Variants in SIAE observed in about 807,000 individuals in gnomAD.
The protein encoded by SIAE is sialate O-acetylesterase.
A neutral mutation model predicts 52.6 loss-of-function variants in SIAE; 39 were observed. The ratio of observed to expected loss-of-function variants is 0.74; its 90% CI spans 0.57 to 0.97. SIAE has a LOEUF of 0.97. Ranked by LOEUF, SIAE falls within the 50% of genes least tolerant of loss-of-function variation. The pLI is 0.00. For missense variants in SIAE, 592 were observed against 662.1 expected (o/e 0.89, Z 1.16); for synonymous variants, 233 against 241.4 (o/e 0.97, Z 0.32).
intron 1 of SIAE, among the ~76,000 whole-genome samples, chr11:124,669,853 G>A (rs1156693778): frequency 2.0e-5 from 3 of 152,040 alleles, no homozygotes; most frequent in African/African-American, 4.8e-5. Flanking sequence ...GCTCTCTCCC[G>A]CAAAATCACT....
At chr11:124,641,010 A>G (rs1423511383) in intron 7 of SIAE, among the ~76,000 whole-genome samples, 1 of 152,160 alleles carries the variant, frequency 6.6e-6, no homozygotes, top group East Asian at 1.9e-4. Context: ...CTATATAAGA[A>G]AGGCTATTTT....
At chr11:124,644,492 C>T (rs1457237278) in intron 7 of SIAE, among the ~76,000 whole-genome samples, 1 of 152,078 alleles carries the variant, frequency 6.6e-6, no homozygotes, top group Non-Finnish European at 1.5e-5. Context: ...ATTGACTGCA[C>T]TATTATATAC....
chr11:124,675,232 C>T (rs754447226), upstream of SIAE: 1 of 1,598,420 alleles, frequency 6.3e-7, no homozygotes, highest in Non-Finnish European at 8.5e-7. Flanking sequence ...TTTAATGAAT[C>T]TTTAGGTTCC....
chr11:124,648,265 T>C, intron 5 of SIAE, 90 bp from the exon 6 acceptor site: 1 of 913,360 alleles, frequency 1.1e-6, no homozygotes, highest in Non-Finnish European at 1.8e-6. Flanking sequence ...CTTTCACTTG[T>C]GGTAAACTTC....
rs761799265 is a variant in SIAE, at chr11:124,637,091, G to A, written c.1432C>T (p.Leu478Phe). The A allele has an allele frequency of 6.2e-7, 1 of 1,614,046 alleles. No individual in the cohort carries two copies. Among genetic ancestry groups the A allele is most frequent in the African/African-American group, 1.3e-5 (1 of 74,910 alleles). ...GGCCACGTGGTCCAAGCATAGCGGAGAGCAACCACAGTGCCATGACAAGAA... is the reference window on the plus strand; with the variant it reads ...GGCCACGTGGTCCAAGCATAGCGGAAAGCAACCACAGTGCCATGACAAGAA... ...IDSCHGTVVA[L>F]RYAWTTWPCE... Residue 478 changes from leucine to phenylalanine, a missense_variant, in exon 10 of 10, where the codon CTC (leucine) becomes TTC (phenylalanine). By Grantham distance (22) the Leu-to-Phe change is conservative. Coordinates refer to ENST00000263593, the MANE Select transcript of SIAE (RefSeq NM_170601.5).
rs537808193 is a variant in SIAE at position 124,648,435 on chromosome 11, G to A, written c.723-260C>T. Among the ~76,000 whole-genome samples, 7 of 152,212 alleles carry A rather than the reference G, an allele frequency of 4.6e-5. No individual in the cohort carries two copies. The East Asian group carries it at 5.8e-4, about 13-fold the overall frequency. On this transcript the variant is annotated intron_variant, in intron 5 of 9. Transcript: ENST00000263593. ...ATTTCTAAGGTAATTAAAGCCACAG[G>A]GAAGGAGTGCTTTATTGTTGAGTTT...
Position 124,669,533 on chromosome 11 carries a change from A to T in SIAE, c.68-12T>A. 6.2e-7 allele frequency: 1 copy of T among 1,612,040 alleles called. No homozygotes were observed. The highest frequency in any genetic ancestry group is 8.5e-7 in the Non-Finnish European group (1 of 1,179,618). Reference sequence around the variant, plus strand: ...GCGAAAACCAATACCTAAAAAATTTAACAAACACTGAGGGAAGCATCATCG... The same window carrying T: ...GCGAAAACCAATACCTAAAAAATTTTACAAACACTGAGGGAAGCATCATCG... On this transcript the variant is annotated splice_polypyrimidine_tract_variant and intron_variant, in intron 1 of 9. Coordinates refer to ENST00000263593, the MANE Select transcript of SIAE (RefSeq NM_170601.5).
Position 124,643,211 on chromosome 11 carries a change from G to A in SIAE, c.967-3344C>T, listed in dbSNP as rs373862670. Among the ~76,000 whole-genome samples the A allele has an allele frequency of 5.3e-4, 80 of 152,368 alleles. 2 individuals carry two copies. In the South Asian group the frequency reaches 0.016, roughly 30 times the overall value. ...GAAAATGGCAGGCCCCAGGACGGGAGTATGCCTAGCGTGCTTAAAGAAAAG... is the reference window on the plus strand; with the variant it reads ...GAAAATGGCAGGCCCCAGGACGGGAATATGCCTAGCGTGCTTAAAGAAAAG... On this transcript the variant is annotated intron_variant, in intron 7 of 9. Coordinates refer to ENST00000263593, the MANE Select transcript of SIAE (RefSeq NM_170601.5).
In SIAE at chr11:124,649,716, A is replaced by T; in HGVS notation, c.625T>A (p.Tyr209Asn). The T allele has an allele frequency of 1.2e-5, 20 of 1,614,194 alleles. No homozygotes were observed. The highest frequency in any genetic ancestry group is 1.7e-5 in the Non-Finnish European group (20 of 1,180,028). Residue 209 changes from tyrosine (Y) to asparagine (N), a missense_variant, in exon 5 of 10, where the codon TAT (tyrosine) becomes AAT (asparagine). Tyr to Asn is a moderately radical substitution (Grantham distance 143). Coordinates refer to ENST00000263593, the MANE Select transcript of SIAE (RefSeq NM_170601.5). ...FGRHLYDTLQ[Y>N]PIGLIASSWG... is the part of the protein sequence containing the mutation. ...CTGGAGGCGATCAGCCCGATGGGATACTGCAGAGTGTCATAAAGGTGACGT... is the reference window on the plus strand; with the variant it reads ...CTGGAGGCGATCAGCCCGATGGGATTCTGCAGAGTGTCATAAAGGTGACGT...
rs1942968164 is a variant in SIAE at position 124,648,171 on chromosome 11, T to C, written c.727A>G (p.Ile243Val). Residue 243 changes from isoleucine (I) to valine (V), a missense_variant, in exon 6 of 10, where the codon ATT becomes GTT. By Grantham distance (29) the Ile-to-Val change is conservative. Coordinates refer to ENST00000263593, the MANE Select transcript of SIAE (RefSeq NM_170601.5). ...KACGVPKQGSIPYDSVTGPSK... is the reference protein window; with the variant it reads ...KACGVPKQGSVPYDSVTGPSK... The stretch of plus-strand genomic sequence containing the variant: ...GGACCAGTTACAGAATCGTATGGAA[T>C]GGACCTGAAATCATATGATGCACAA... 6.2e-7 allele frequency: 1 copy of C among 1,613,040 alleles called. No homozygotes were observed. The highest frequency in any genetic ancestry group is 8.5e-7 in the Non-Finnish European group (1 of 1,179,056).
intron 7 of SIAE, among the ~76,000 whole-genome samples, chr11:124,643,267 T>C (rs1021426617): frequency 6.6e-6 from 1 of 152,104 alleles, no homozygotes; most frequent in African/African-American, 2.4e-5. Flanking sequence ...GAGTGGCATA[T>C]GCAAGGCAGA....
Position 124,636,865 on chromosome 11 carries a change from A to G in SIAE, c.*86T>C, listed in dbSNP as rs918525397. The G allele has an allele frequency of 1.1e-5, 18 of 1,583,736 alleles. No individual in the cohort carries two copies. Among genetic ancestry groups the G allele is most frequent in the Non-Finnish European group, 1.6e-5 (18 of 1,154,974 alleles). ...ATGAGGCTTTCTATTAATTTCCTTTAAAAGCAATGGTTATTATTGAAACTC... is the reference window on the plus strand; with the variant it reads ...ATGAGGCTTTCTATTAATTTCCTTTGAAAGCAATGGTTATTATTGAAACTC... On this transcript the variant is annotated 3_prime_UTR_variant, in exon 10 of 10. Coordinates refer to ENST00000263593, the MANE Select transcript of SIAE (RefSeq NM_170601.5).
chr11:124,638,190 G>A (rs959147006), intron 9 of SIAE, among the ~76,000 whole-genome samples: 3 of 152,236 alleles, frequency 2.0e-5, no homozygotes, highest in Admixed American at 2.0e-4. Flanking sequence ...ACCCAAGGAT[G>A]GGGTAAATAT....
intron 3 of SIAE, among the ~76,000 whole-genome samples, chr11:124,655,520 A>G (rs1943085971): frequency 6.6e-6 from 1 of 152,172 alleles, no homozygotes; most frequent in Non-Finnish European, 1.5e-5. Flanking sequence ...ATGTGGAACC[A>G]AAAAGGCCGT....
At chr11:124,670,000 A>C (rs1403044199) in intron 1 of SIAE, among the ~76,000 whole-genome samples, 1 of 152,174 alleles carries the variant, frequency 6.6e-6, no homozygotes, top group Non-Finnish European at 1.5e-5. Flanking sequence ...AGCCTTCCCT[A>C]ATCTTTTTCC....
rs1229324861 is a variant in SIAE, at chr11:124,633,266, A to T, written c.*3685T>A. ...ACTTAGTCCTGTCTTTTCATTAGCC[A>T]TGTAATAATATAACTCCATGTTCCA... On this transcript the variant is annotated 3_prime_UTR_variant, in exon 10 of 10. Coordinates refer to ENST00000263593, the MANE Select transcript of SIAE (RefSeq NM_170601.5). 3 of 152,216 alleles carry T rather than the reference A, an allele frequency of 2.0e-5. No individual in the cohort carries two copies. The highest frequency in any genetic ancestry group is 2.4e-5 in the African/African-American group (1 of 41,456). 9.4% of individuals were successfully genotyped at this position (152,216 alleles called of 1,614,324 possible). A position where few individuals can be genotyped will look rare whatever the true frequency, so the allele number is the denominator to read the frequency against.
At chr11:124,654,109 G>A (rs1415304864) in intron 4 of SIAE, 17 of 516,356 alleles carry the variant, frequency 3.3e-5, no homozygotes, top group Non-Finnish European at 4.0e-5. Flanking sequence ...CCCAGGAGGC[G>A]GAGGTTGCAG....
At chr11:124,655,103 T>C (rs552510982) in intron 3 of SIAE, among the ~76,000 whole-genome samples, 51 of 152,126 alleles carry the variant, frequency 3.4e-4, no homozygotes, top group African/African-American at 1.1e-3. Context: ...AACACTCTGA[T>C]ACCTTGAAAC....
upstream of SIAE, chr11:124,674,386 C>G (rs1943429325): frequency 6.6e-6 from 1 of 152,358 alleles, no homozygotes; most frequent in African/African-American, 2.4e-5. Context: ...AACGAGAACC[C>G]TCCATAGTCT....
Sources: allele counts gnomAD v4.1 joint callset (sites outside exome capture counted in the v4.1 genomes callset), GRCh38; gene constraint gnomAD v4.1.1; transcripts MANE v1.5; gene names NCBI Gene and HGNC (gene_info 2026-07-23, HGNC 2026-07-21).